STAM2: variants seen among roughly 807,000 people sequenced by gnomAD.
The protein encoded by STAM2 is signal transducing adapter molecule 2.
Under a neutral mutation model 65.6 loss-of-function variants are expected in STAM2, and 51 were observed. The observed-to-expected ratio is 0.78, with a 90% CI of 0.62 to 0.98. The LOEUF (loss-of-function observed/expected upper bound fraction) is 0.98. Among genes scored for constraint, STAM2 ranks in the 50% least tolerant of loss-of-function variants. The probability of loss-of-function intolerance (pLI) is 0.00; values close to 1 mark genes in which losing one functional copy is unlikely to be tolerated. For synonymous variants in STAM2, 198 were observed against 208.4 expected, an observed-to-expected ratio of 0.95 and a Z score of 0.43; for missense variants, 584 against 617.8, an observed-to-expected ratio of 0.95 and a Z score of 0.58.
chr2:152,150,291 G>A (rs1689418558), intron 1 of STAM2, 62 bp from the exon 2 acceptor site: 3 of 1,074,066 alleles, frequency 2.8e-6, no homozygotes, highest in Non-Finnish European at 2.8e-6. Context: ...TAAAATACCA[G>A]TAAAGGTCCA....
intron 7 of STAM2, among the ~76,000 whole-genome samples, chr2:152,141,592 T>C (rs151289073): frequency 0.053 from 8,052 of 151,580 alleles, 245 homozygotes; most frequent in Non-Finnish European, 0.071. Context: ...TTTGTTTGTT[T>C]GTTTGTTTGT....
intron 10 of STAM2, 133 bp from the exon 11 acceptor site, chr2:152,132,301 G>A: frequency 1.7e-6 from 1 of 592,350 alleles, no homozygotes; most frequent in Non-Finnish European, 2.9e-6. Flanking sequence ...GCTAGAGAAA[G>A]ACTACTATTC....
Position 152,135,599 on chromosome 2 carries a change from C to T in STAM2, c.709G>A (p.Ala237Thr). The T allele has an allele frequency of 1.2e-6, 2 of 1,607,050 alleles. No individual in the cohort carries two copies. The highest frequency in any genetic ancestry group is 2.2e-5 in the South Asian group (2 of 89,820). Reference sequence around the variant, plus strand: ...TGATTTTCTCCTTTCCACCAATTGGCATCACTAAAAATACAGTGCAAAAAA... The same window carrying T: ...TGATTTTCTCCTTTCCACCAATTGGTATCACTAAAAATACAGTGCAAAAAA... The part of the protein sequence containing the change: ...EIIIVLDDSD[A>T]NWWKGENHRG... The change falls in exon 8 of 14, where the codon GCC becomes ACC. Residue 237 changes from alanine (A) to threonine (T), a missense_variant. Physicochemically the swap from Ala to Thr is moderately conservative, Grantham distance 58. Transcript: ENST00000263904.
At chr2:152,127,035 T>C (rs946615998) in intron 11 of STAM2, among the ~76,000 whole-genome samples, 1 of 152,198 alleles carries the variant, frequency 6.6e-6, no homozygotes, top group African/African-American at 2.4e-5. Flanking sequence ...TTCATTTACA[T>C]GAGGTGAGCA....
chr2:152,120,641 G>T lies in STAM2; in HGVS notation c.1511C>A (p.Pro504Gln), dbSNP rs750943315. The T allele has an allele frequency of 2.7e-5, 43 of 1,613,938 alleles. No homozygotes were observed. In the South Asian group the frequency reaches 4.7e-4, roughly 18 times the overall value. Residue 504 changes from proline (P) to glutamine (Q), a missense_variant, in exon 14 of 14, where the codon CCG becomes CAG. Pro to Gln is a moderately conservative substitution (Grantham distance 76). Transcript: ENST00000263904. Reference sequence around the variant, plus strand: ...AACTGGATGAGCTGGAACTGTCACCGGAAAGCCTGCCAGTTGAGGCAAATT... The same window carrying T: ...AACTGGATGAGCTGGAACTGTCACCTGAAAGCCTGCCAGTTGAGGCAAATT... ...TSNLPQLAGFPVTVPAHPVAQ... is the reference protein window; with the variant it reads ...TSNLPQLAGFQVTVPAHPVAQ...
chr2:152,154,312 G>A (rs535066842), intron 1 of STAM2, among the ~76,000 whole-genome samples: 2 of 152,210 alleles, frequency 1.3e-5, no homozygotes, highest in African/African-American at 4.8e-5. Flanking sequence ...CACCAGAGAC[G>A]AAGTGAATAA....
At chr2:152,155,964 T>C (rs1689535490) in intron 1 of STAM2, among the ~76,000 whole-genome samples, 2 of 152,184 alleles carry the variant, frequency 1.3e-5, no homozygotes, top group South Asian at 2.1e-4. Flanking sequence ...TCATCAATTA[T>C]CAAATTTTAT....
At chr2:152,139,324 A>T (rs1689205479) in intron 7 of STAM2, among the ~76,000 whole-genome samples, 1 of 152,246 alleles carries the variant, frequency 6.6e-6, no homozygotes, top group Non-Finnish European at 1.5e-5. Context: ...GCTAACATTT[A>T]TGAAAACCTA....
At chr2:152,173,624 C>T (rs1041771099) in intron 1 of STAM2, among the ~76,000 whole-genome samples, 4 of 151,842 alleles carry the variant, frequency 2.6e-5, no homozygotes, top group Admixed American at 2.6e-4. Context: ...CTCAAACTCC[C>T]GACCTCCAGT....
chr2:152,151,816 G>A (rs953243598), intron 1 of STAM2, among the ~76,000 whole-genome samples: 3 of 152,076 alleles, frequency 2.0e-5, no homozygotes, highest in Admixed American at 2.0e-4. Context: ...TGTTTGCAAG[G>A]GTCATCCACG....
At chr2:152,169,192 T>C (rs1279474012) in intron 1 of STAM2, among the ~76,000 whole-genome samples, 4 of 152,322 alleles carry the variant, frequency 2.6e-5, no homozygotes, top group South Asian at 2.1e-4. Context: ...GTAACATACA[T>C]ACCCAACTAA....
chr2:152,153,274 A>G (rs1007643424), intron 1 of STAM2, among the ~76,000 whole-genome samples: 5 of 152,152 alleles, frequency 3.3e-5, no homozygotes, highest in African/African-American at 1.2e-4. Flanking sequence ...GTAATTTCAA[A>G]TATAGAATAA....
chr2:152,169,363 A>G (rs886307268), intron 1 of STAM2, among the ~76,000 whole-genome samples: 3 of 151,926 alleles, frequency 2.0e-5, no homozygotes, highest in African/African-American at 7.3e-5. Flanking sequence ...TGCAGCCTCA[A>G]CCTCCCTAGC....
chr2:152,141,271 C>CA, intron 7 of STAM2, among the ~76,000 whole-genome samples: 1 of 152,162 alleles, frequency 6.6e-6, no homozygotes, highest in Middle Eastern at 3.4e-3. Flanking sequence ...CACAGTGGCT[C>CA]ACGCCTGTAA....
intron 7 of STAM2, among the ~76,000 whole-genome samples, chr2:152,136,192 C>T (rs932276755): frequency 6.6e-6 from 1 of 151,992 alleles, no homozygotes; most frequent in African/African-American, 2.4e-5. Context: ...CCTGTAATCC[C>T]AGCACTTTGG....
At position 152,133,166 on chromosome 2, in the gene STAM2, T is replaced by G; in HGVS notation, c.970+7A>C. 6.9e-7 allele frequency: 1 copy of G among 1,440,674 alleles called. No homozygotes were observed. The highest frequency in any genetic ancestry group is 9.3e-7 in the Non-Finnish European group (1 of 1,075,238). The allele number at this position is 1,440,674 out of a possible 1,614,324, so 89.2% of individuals were successfully genotyped here. On this transcript the variant is annotated splice_region_variant and intron_variant, in intron 10 of 13. Coordinates refer to ENST00000263904, the MANE Select transcript of STAM2 (RefSeq NM_005843.6). The stretch of plus-strand genomic sequence containing the variant: ...TATTAAAATAATATAAAATATTCAC[T>G]AAGTACCTTCTAAATCCAAAAGGTC...
Position 152,132,118 on chromosome 2 carries a change from C to A in STAM2, c.1021G>T (p.Asp341Tyr). The part of the protein sequence containing the change: ...PMIDEKLEEI[D>Y]RKHSELSELN... ...TTCCTGCACGAAAAATCTCACCTAT[C>A]AATTTCTTCAAGTTTTTCATCTATC... Residue 341 changes from aspartate to tyrosine, a missense_variant, in exon 11 of 14, where the codon GAT (aspartate) becomes TAT (tyrosine). Asp to Tyr is a radical substitution (Grantham distance 160). Coordinates refer to ENST00000263904, the MANE Select transcript of STAM2 (RefSeq NM_005843.6). 6.2e-7 allele frequency: 1 copy of A among 1,611,068 alleles called. No individual in the cohort carries two copies. Among genetic ancestry groups the A allele is most frequent in the Non-Finnish European group, 8.5e-7 (1 of 1,178,032 alleles).
chr2:152,171,840 T>TA (rs1689903692), intron 1 of STAM2, among the ~76,000 whole-genome samples: 2 of 152,038 alleles, frequency 1.3e-5, no homozygotes, highest in Admixed American at 1.3e-4. Context: ...GAATGGTAAA[T>TA]AGCACAGAGG....
chr2:152,166,684 G>T (rs965632173), intron 1 of STAM2, among the ~76,000 whole-genome samples: 3 of 151,480 alleles, frequency 2.0e-5, no homozygotes, highest in African/African-American at 4.8e-5. Flanking sequence ...AAAAAAAAAA[G>T]TTCTTCCCCT....
Sources: allele counts gnomAD v4.1 joint callset (sites outside exome capture counted in the v4.1 genomes callset), GRCh38; gene constraint gnomAD v4.1.1; transcripts MANE v1.5; gene names NCBI Gene and HGNC (gene_info 2026-07-23, HGNC 2026-07-21).